Variants in KCNMA1 observed in about 807,000 individuals in gnomAD.
The protein encoded by KCNMA1 is Calcium-activated potassium channel subunit alpha-1.
KCNMA1 carries 29 observed loss-of-function variants against 140.0 expected under a neutral mutation model. The observed-to-expected ratio is 0.21, with a 90% CI of 0.15 to 0.28. KCNMA1 has a LOEUF of 0.28. KCNMA1 is among the 10% of genes least tolerant of loss of function. The pLI, the probability that KCNMA1 is intolerant of heterozygous loss-of-function variation, is 1.00. For synonymous variants in KCNMA1, 612 were observed against 611.9 expected (o/e 1.00, Z 0.00); for missense variants, 880 against 1,602.2 (o/e 0.55, Z 7.70).
chr10:77,450,390 C>T (rs1002410512), intron 1 of KCNMA1, among the ~76,000 whole-genome samples: 1 of 152,120 alleles, frequency 6.6e-6, no homozygotes, highest in Non-Finnish European at 1.5e-5. Context: ...TAAAGCTTTA[C>T]ATATATTATG....
chr10:77,385,580 C>T (rs953613974), intron 2 of KCNMA1, among the ~76,000 whole-genome samples: 3 of 152,180 alleles, frequency 2.0e-5, no homozygotes, highest in African/African-American at 7.2e-5. Flanking sequence ...AGCCTCATTG[C>T]CTTTAGAGTG....
At chr10:77,124,748 C>T (rs1264467360) in intron 5 of KCNMA1, among the ~76,000 whole-genome samples, 5 of 152,174 alleles carry the variant, frequency 3.3e-5, no homozygotes, top group African/African-American at 1.2e-4. Flanking sequence ...TACATTTCAT[C>T]CTCAGATCAA....
intron 3 of KCNMA1, among the ~76,000 whole-genome samples, chr10:77,216,069 G>A (rs2047686515): frequency 6.6e-6 from 1 of 152,100 alleles, no homozygotes; most frequent in South Asian, 2.1e-4. Flanking sequence ...CTAATTGAAA[G>A]AAGGAAGTCA....
chr10:77,299,681 A>T (rs1768846369), intron 2 of KCNMA1, among the ~76,000 whole-genome samples: 1 of 152,218 alleles, frequency 6.6e-6, no homozygotes, highest in Non-Finnish European at 1.5e-5. Context: ...AGAGGGGGAA[A>T]GCCTGCACAA....
intron 27 of KCNMA1, 122 bp downstream of exon 27, chr10:76,889,329 G>C: frequency 6.8e-6 from 5 of 734,034 alleles, no homozygotes; most frequent in South Asian, 6.3e-5. Flanking sequence ...GATTTAATAT[G>C]GGCAGAGTAA....
At chr10:77,289,170 C>G (rs542408011) in intron 2 of KCNMA1, among the ~76,000 whole-genome samples, 42 of 152,308 alleles carry the variant, frequency 2.8e-4, no homozygotes, top group African/African-American at 9.9e-4. Context: ...CAAACCCATT[C>G]TCCTAATTAG....
At chr10:77,382,875 A>AG (rs1208703909) in intron 2 of KCNMA1, among the ~76,000 whole-genome samples, 1 of 129,474 alleles carries the variant, frequency 7.7e-6, no homozygotes, top group African/African-American at 2.9e-5. Flanking sequence ...CAAAAAAAAA[A>AG]AAAAAAAAAA....
At chr10:77,575,648 G>A (rs1261898234) in intron 1 of KCNMA1, among the ~76,000 whole-genome samples, 1 of 152,238 alleles carries the variant, frequency 6.6e-6, no homozygotes, top group African/African-American at 2.4e-5. Flanking sequence ...GGCCTAAAAT[G>A]CTGGTTCGCA....
chr10:76,917,173 A>G (rs2053294326), intron 23 of KCNMA1, among the ~76,000 whole-genome samples: 1 of 152,242 alleles, frequency 6.6e-6, no homozygotes, highest in South Asian at 2.1e-4. Flanking sequence ...AAAAACTGGA[A>G]GTGACAGCTG....
intron 2 of KCNMA1, among the ~76,000 whole-genome samples, chr10:77,364,971 T>C (rs1010587362): frequency 4.6e-5 from 7 of 152,104 alleles, no homozygotes; most frequent in Non-Finnish European, 7.4e-5. Flanking sequence ...TCCATTTGAG[T>C]CATAACAAAT....
intron 3 of KCNMA1, among the ~76,000 whole-genome samples, chr10:77,197,249 C>T (rs2154147342): frequency 6.6e-6 from 1 of 152,254 alleles, no homozygotes; most frequent in East Asian, 1.9e-4. Context: ...AAAGGTATAT[C>T]TTTTTATTTA....
chr10:76,950,054 T>C (rs951932339), intron 21 of KCNMA1, among the ~76,000 whole-genome samples: 2 of 152,152 alleles, frequency 1.3e-5, no homozygotes, highest in Non-Finnish European at 2.9e-5. Context: ...TTACATAAAG[T>C]TCAAATTCCC....
At chr10:77,402,024 A>C (rs1264716808) in intron 2 of KCNMA1, among the ~76,000 whole-genome samples, 3 of 152,266 alleles carry the variant, frequency 2.0e-5, no homozygotes, top group Non-Finnish European at 4.4e-5. Context: ...ATGCTGATGA[A>C]GAAAATTAGA....
At chr10:77,535,275 C>T (rs1291954186) in intron 1 of KCNMA1, among the ~76,000 whole-genome samples, 1 of 152,198 alleles carries the variant, frequency 6.6e-6, no homozygotes, top group Non-Finnish European at 1.5e-5. Flanking sequence ...CCCCACATAT[C>T]TCAGGACTCA....
intron 1 of KCNMA1, among the ~76,000 whole-genome samples, chr10:77,412,935 G>C (rs1412364379): frequency 6.6e-6 from 1 of 152,072 alleles, no homozygotes; most frequent in Non-Finnish European, 1.5e-5. Flanking sequence ...TCAGCTCACT[G>C]CAATTTCTGC....
chr10:77,430,557 C>T (rs1181683727), intron 1 of KCNMA1, among the ~76,000 whole-genome samples: 1 of 152,166 alleles, frequency 6.6e-6, no homozygotes, highest in African/African-American at 2.4e-5. Context: ...TAGGCTCCAC[C>T]ACCACCATCC....
chr10:76,914,028 C>T (rs1478552930), intron 24 of KCNMA1: 1 of 1,484,754 alleles, frequency 6.7e-7, no homozygotes, highest in Non-Finnish European at 9.2e-7. Context: ...AAAGGAGATA[C>T]TGATGTGAAG....
chr10:77,527,452 A>C (rs1038088474), intron 1 of KCNMA1, among the ~76,000 whole-genome samples: 1 of 152,088 alleles, frequency 6.6e-6, no homozygotes, highest in Non-Finnish European at 1.5e-5. Context: ...TCACAGGGGG[A>C]GAGGGGAAGA....
chr10:77,510,240 G>C (rs926003109), intron 1 of KCNMA1, among the ~76,000 whole-genome samples: 2 of 151,276 alleles, frequency 1.3e-5, no homozygotes, highest in Non-Finnish European at 2.9e-5. Context: ...AGGTTCATAA[G>C]TTTGTAGGGT....
Sources: allele counts gnomAD v4.1 joint callset (sites outside exome capture counted in the v4.1 genomes callset), GRCh38; gene constraint gnomAD v4.1.1; transcripts MANE v1.5; gene names NCBI Gene and HGNC (gene_info 2026-07-23, HGNC 2026-07-21).